Variants in MTUS2 observed in about 807,000 individuals in gnomAD.
The protein encoded by MTUS2 is microtubule-associated tumor suppressor candidate 2.
In MTUS2, 40 loss-of-function variants were observed where a neutral mutation model predicts 114.1. The observed-to-expected ratio is 0.35, with a 90% confidence interval of 0.27 to 0.46. The LOEUF is 0.46. MTUS2 is among the 20% of genes least tolerant of loss of function. The pLI is 1.00. For synonymous variants in MTUS2, 688 were observed against 672.0 expected, an observed-to-expected ratio of 1.02 and a Z score of -0.37; for missense variants, 1,679 against 1,705.4, an observed-to-expected ratio of 0.98 and a Z score of 0.27.
chr13:29,100,601 A>G (rs556698099), intron 4 of MTUS2, among the ~76,000 whole-genome samples, 172 bp from the exon 5 acceptor site: 31 of 152,106 alleles, frequency 2.0e-4, no homozygotes, highest in Non-Finnish European at 4.4e-4. Context: ...CTGACCCACA[A>G]TATAAGGGGC....
At chr13:29,229,704 C>T in intron 5 of MTUS2, among the ~76,000 whole-genome samples, 1 of 152,200 alleles carries the variant, frequency 6.6e-6, no homozygotes, top group African/African-American at 2.4e-5. Context: ...AACACTTCCA[C>T]AAAGTGCTTG....
chr13:29,432,319 C>T (rs1330622954), intron 8 of MTUS2, among the ~76,000 whole-genome samples: 1 of 152,104 alleles, frequency 6.6e-6, no homozygotes, highest in Admixed American at 6.5e-5. Flanking sequence ...CAACCTGATC[C>T]AGGATGAAGC....
chr13:29,021,601 C>T (rs1458982110), intron 2 of MTUS2, among the ~76,000 whole-genome samples: 1 of 152,174 alleles, frequency 6.6e-6, no homozygotes, highest in East Asian at 1.9e-4. Flanking sequence ...CTTCTGCCCA[C>T]AGAAAATTAG....
chr13:29,492,871 G>A lies in MTUS2; in HGVS notation c.3579+152G>A, dbSNP rs552650375. 46 of 648,868 alleles carry A rather than the reference G, an allele frequency of 7.1e-5. No homozygotes were observed. The African/African-American group carries it at 7.7e-4, about 11-fold the overall frequency. The allele number at this position is 648,868 out of a possible 1,614,324, so 40.2% of individuals were successfully genotyped here. A position where few individuals can be genotyped will look rare whatever the true frequency, so the allele number is the denominator to read the frequency against. On this transcript the variant is annotated intron_variant, in intron 12 of 15. Coordinates refer to ENST00000612955, the MANE Select transcript of MTUS2 (RefSeq NM_001033602.4). ...AATAAGTCATACTCGCTACTCTTAA[G>A]AAATGTGCTGTCTGCTCAGAAAGCT...
intron 5 of MTUS2, among the ~76,000 whole-genome samples, chr13:29,236,610 G>A (rs1034262633): frequency 2.0e-5 from 3 of 152,156 alleles, no homozygotes; most frequent in Non-Finnish European, 4.4e-5. Flanking sequence ...TACAGTACAC[G>A]ACCACCAACG....
intron 7 of MTUS2, among the ~76,000 whole-genome samples, chr13:29,356,572 A>T (rs2138210825): frequency 6.6e-6 from 1 of 152,280 alleles, no homozygotes; most frequent in Non-Finnish European, 1.5e-5. Context: ...GTGGACAGGA[A>T]AGGGGGTGAC....
chr13:29,358,221 C>T (rs544142366), intron 7 of MTUS2, among the ~76,000 whole-genome samples: 15 of 152,378 alleles, frequency 9.8e-5, no homozygotes, highest in Middle Eastern at 3.4e-3. Context: ...CCAGGTCTGT[C>T]TGTGCCTCCT....
At position 29,105,527 on chromosome 13, in the gene MTUS2, C is replaced by A. The variant is rs1266397852; in HGVS notation, c.2644+4557C>A. 2.0e-5 allele frequency among the ~76,000 whole-genome samples: 3 copies of A among 152,100 alleles called. No homozygotes were observed. The East Asian group carries it at 5.8e-4, about 29-fold the overall frequency. On this transcript the variant is annotated intron_variant, in intron 5 of 15. Transcript: ENST00000612955. ...TATTTGCAGCTTTCCTTTCCAGTTT[C>A]TCCTCTTCTTCCTCTCTTTTCAAAT...
chr13:29,449,619 A>G (rs1878543182), intron 9 of MTUS2, among the ~76,000 whole-genome samples: 1 of 152,192 alleles, frequency 6.6e-6, no homozygotes, highest in South Asian at 2.1e-4. Context: ...CTTCCCACAT[A>G]CAGTATCTAA....
chr13:28,963,212 G>A (rs1016630352), intron 2 of MTUS2, among the ~76,000 whole-genome samples: 2 of 151,994 alleles, frequency 1.3e-5, no homozygotes, highest in Admixed American at 6.5e-5. Flanking sequence ...TTAGCCGGGC[G>A]TGGTGGTGGG....
At chr13:28,848,843 G>T (rs555794965) in intron 2 of MTUS2, among the ~76,000 whole-genome samples, 1 of 152,080 alleles carries the variant, frequency 6.6e-6, no homozygotes, top group African/African-American at 2.4e-5. Context: ...CATAACTGGG[G>T]ACACTGTGCC....
intron 5 of MTUS2, among the ~76,000 whole-genome samples, chr13:29,150,906 T>C (rs541109950): frequency 3.3e-5 from 5 of 152,320 alleles, no homozygotes; most frequent in African/African-American, 1.2e-4. Context: ...CGTCTACATG[T>C]CTGTTTTCAT....
chr13:29,468,375 T>A (rs1274069784), intron 9 of MTUS2, among the ~76,000 whole-genome samples: 2 of 152,104 alleles, frequency 1.3e-5, no homozygotes, highest in African/African-American at 4.8e-5. Flanking sequence ...GGTCAGCAGT[T>A]CTAGACCAGC....
intron 9 of MTUS2, among the ~76,000 whole-genome samples, chr13:29,456,617 GAC>G (rs1879125201): frequency 6.6e-6 from 1 of 152,108 alleles, no homozygotes; most frequent in Admixed American, 6.5e-5. Flanking sequence ...ACCCAGTGAA[GAC>G]ACACATTACA....
chr13:29,175,441 G>A (rs1441979003), intron 5 of MTUS2, among the ~76,000 whole-genome samples: 3 of 152,196 alleles, frequency 2.0e-5, no homozygotes, highest in Non-Finnish European at 4.4e-5. Flanking sequence ...ATACTCCATT[G>A]CAATAGCCAT....
At chr13:29,455,622 G>T (rs1011740623) in intron 9 of MTUS2, among the ~76,000 whole-genome samples, 4 of 152,136 alleles carry the variant, frequency 2.6e-5, no homozygotes, top group Non-Finnish European at 4.4e-5. Flanking sequence ...TGTTGAGCAT[G>T]CATAAACAAA....
intron 8 of MTUS2, among the ~76,000 whole-genome samples, chr13:29,395,061 A>G (rs1873808971): frequency 6.6e-6 from 1 of 152,224 alleles, no homozygotes; most frequent in African/African-American, 2.4e-5. Flanking sequence ...AAATATGTCA[A>G]AGAAATATAT....
rs777890993 is a variant in MTUS2 at position 29,324,761 on chromosome 13, AT to A, written c.2905+53del. 21 of 1,372,598 alleles carry A rather than the reference AT, an allele frequency of 1.5e-5. No homozygotes were observed. The Admixed American group carries it at 3.9e-4, about 26-fold the overall frequency. 85.0% of individuals were successfully genotyped at this position (1,372,598 alleles called of 1,614,324 possible). A position where few individuals can be genotyped will look rare whatever the true frequency, so the allele number is the denominator to read the frequency against. On this transcript the variant is annotated intron_variant, in intron 7 of 15. Transcript: ENST00000612955. ...CTTGGGGGAATGACTTGAACTTGGA[AT>A]TTATCTTATTCAGATGTCATTAATG... is the stretch of plus-strand genomic sequence containing the variant.
intron 2 of MTUS2, among the ~76,000 whole-genome samples, chr13:28,841,731 G>C (rs1875508026): frequency 6.6e-6 from 1 of 151,674 alleles, no homozygotes; most frequent in South Asian, 2.1e-4. Flanking sequence ...CTGTCGCCCA[G>C]GTTGGAGTGC....
Sources: allele counts gnomAD v4.1 joint callset (sites outside exome capture counted in the v4.1 genomes callset), GRCh38; gene constraint gnomAD v4.1.1; transcripts MANE v1.5; gene names NCBI Gene and HGNC (gene_info 2026-07-23, HGNC 2026-07-21).